LINGO1: variants seen among roughly 807,000 people sequenced by gnomAD.
LINGO1 encodes leucine-rich repeat and immunoglobulin-like domain-containing nogo receptor-interacting protein 1.
A neutral mutation model predicts 37.3 loss-of-function variants in LINGO1; 11 were observed. That is an observed-to-expected ratio of 0.29 (90% CI 0.19 to 0.49). LINGO1 has a LOEUF of 0.49. LINGO1 is among the 20% of genes least tolerant of loss of function. The pLI is 0.99. For missense variants in LINGO1, 585 were observed against 878.2 expected (o/e 0.67, Z 4.22); for synonymous variants, 387 against 403.0 (o/e 0.96, Z 0.48).
intron 1 of LINGO1, among the ~76,000 whole-genome samples, chr15:77,818,542 G>A (rs2077067205): frequency 6.6e-6 from 1 of 151,978 alleles, no homozygotes; most frequent in Non-Finnish European, 1.5e-5. Flanking sequence ...GAGCTCCTGA[G>A]GGTCCAGGTC....
chr15:77,728,431 G>C (rs1350607164), intron 2 of LINGO1, among the ~76,000 whole-genome samples: 1 of 152,232 alleles, frequency 6.6e-6, no homozygotes, highest in Non-Finnish European at 1.5e-5. Flanking sequence ...GGCTGGGAGT[G>C]GGTGCCACAC....
intron 3 of LINGO1, among the ~76,000 whole-genome samples, chr15:77,646,851 C>G (rs556123223): frequency 2.7e-5 from 4 of 147,770 alleles, no homozygotes; most frequent in South Asian, 4.1e-4. Flanking sequence ...TCTATCAACC[C>G]TTTCCCCTGG....
chr15:77,703,145 A>G (rs2075805874), intron 2 of LINGO1, among the ~76,000 whole-genome samples: 2 of 151,936 alleles, frequency 1.3e-5, no homozygotes, highest in African/African-American at 2.4e-5. Context: ...GCAAGGGGCT[A>G]CTCCTTCTTC....
At chr15:77,776,005 C>T (rs573618060) in intron 1 of LINGO1, among the ~76,000 whole-genome samples, 23 of 152,274 alleles carry the variant, frequency 1.5e-4, no homozygotes, top group African/African-American at 3.6e-4. Flanking sequence ...TCAATGTCCT[C>T]GTCACCGCCT....
intron 1 of LINGO1, among the ~76,000 whole-genome samples, chr15:77,783,906 G>A (rs937970208): frequency 7.9e-5 from 12 of 152,230 alleles, no homozygotes; most frequent in Non-Finnish European, 1.6e-4. Context: ...TTGCACCTCA[G>A]TGGTGTTCAT....
chr15:77,727,755 A>T (rs1300538629), intron 2 of LINGO1, among the ~76,000 whole-genome samples: 1 of 151,976 alleles, frequency 6.6e-6, no homozygotes, highest in Non-Finnish European at 1.5e-5. Flanking sequence ...TTAAAAAAAA[A>T]AAGAAAAGGA....
chr15:77,668,552 C>T (rs1220555801), intron 3 of LINGO1, among the ~76,000 whole-genome samples: 2 of 152,288 alleles, frequency 1.3e-5, no homozygotes, highest in Non-Finnish European at 2.9e-5. Flanking sequence ...AGTTGAGAAG[C>T]CCCTTTAGAG....
At chr15:77,634,193 C>G (rs1437101555), upstream of LINGO1, 1 of 453,650 alleles carries the variant, frequency 2.2e-6, no homozygotes, top group Non-Finnish European at 4.4e-6. Flanking sequence ...GCCTGGTTGC[C>G]ACGGAGGGAC....
chr15:77,777,344 C>A lies in LINGO1; in HGVS notation c.-257+9525G>T, dbSNP rs533458750. ...GGCGCACACACTTGCCCCTCCCATA[C>A]ACACACACACACACGCATACACATA... On this transcript the variant is annotated intron_variant, in intron 1 of 3. Transcript: ENST00000561686. 2.8e-4 allele frequency among the ~76,000 whole-genome samples: 41 copies of A among 144,258 alleles called. 1 individual carries two copies. The South Asian group carries it at 8.9e-3, about 31-fold the overall frequency. The allele number at this position is 144,258 out of a possible 152,430, so 94.6% of individuals were successfully genotyped here. A position where few individuals can be genotyped will look rare whatever the true frequency, so the allele number is the denominator to read the frequency against.
intron 3 of LINGO1, chr15:77,651,465 C>G (rs557413359): frequency 6.6e-6 from 1 of 152,300 alleles, no homozygotes; most frequent in South Asian, 2.1e-4. Context: ...CTTCTGGCAA[C>G]CGAAATCTGG....
At chr15:77,650,774 G>A (rs2074742249) in intron 3 of LINGO1, among the ~76,000 whole-genome samples, 1 of 152,154 alleles carries the variant, frequency 6.6e-6, no homozygotes, top group Non-Finnish European at 1.5e-5. Context: ...AAGTCCTGCA[G>A]GGTGGTCACA....
intron 2 of LINGO1, among the ~76,000 whole-genome samples, chr15:77,704,461 C>G (rs1003346168): frequency 6.6e-6 from 1 of 151,046 alleles, no homozygotes; most frequent in Non-Finnish European, 1.5e-5. Flanking sequence ...TGAGTCCCGA[C>G]TCTGGTCAGA....
intron 1 of LINGO1, among the ~76,000 whole-genome samples, chr15:77,746,156 T>A (rs1382845347): frequency 6.7e-6 from 1 of 148,846 alleles, no homozygotes; most frequent in Non-Finnish European, 1.5e-5. Flanking sequence ...TGCAGTGAGT[T>A]GTGTTCATGC....
rs1027795160 is a variant in LINGO1, at chr15:77,752,011, CCA to C, written c.-256-16960_-256-16959del. Among the ~76,000 whole-genome samples, 8 of 152,356 alleles carry C rather than the reference CCA, an allele frequency of 5.3e-5. 1 individual carries two copies. Among genetic ancestry groups the C allele is most frequent in the African/African-American group, 1.9e-4 (8 of 41,580 alleles). The stretch of plus-strand genomic sequence containing the variant: ...TTCTTCAGAGAAGGTGACTCGAAAC[CCA>C]GAGAGTCAGCTGTGTCTTGCCCAAG... On this transcript the variant is annotated intron_variant, in intron 1 of 3. Coordinates refer to the LINGO1 transcript ENST00000561686.
rs1177338840 is a variant in LINGO1, at chr15:77,613,945, G to T, written c.*99C>A. 2.0e-6 allele frequency: 2 copies of T among 978,380 alleles called. No homozygotes were observed. The highest frequency in any genetic ancestry group is 1.6e-5 in the African/African-American group (1 of 60,900). The allele number at this position is 978,380 out of a possible 1,614,324, so 60.6% of individuals were successfully genotyped here. ...AGGGAGAAAGAGAACGTGTGTAGAA[G>T]GGTAGGGAGGAGGTGGGAAGGACTG... On this transcript the variant is annotated 3_prime_UTR_variant, in exon 2 of 2. Coordinates refer to ENST00000355300, the MANE Select transcript of LINGO1 (RefSeq NM_032808.7).
intron 3 of LINGO1, among the ~76,000 whole-genome samples, chr15:77,647,033 C>T (rs879677914): frequency 7.9e-5 from 11 of 139,036 alleles, no homozygotes; most frequent in African/African-American, 1.0e-4. Context: ...GGAACTGGGA[C>T]GGGCCCCCGG....
At chr15:77,811,768 T>C (rs2077007578) in intron 1 of LINGO1, among the ~76,000 whole-genome samples, 1 of 152,238 alleles carries the variant, frequency 6.6e-6, no homozygotes, top group Non-Finnish European at 1.5e-5. Context: ...AGATGGATGC[T>C]GAAATGTTTA....
At chr15:77,739,147 G>A (rs142353589) in intron 1 of LINGO1, among the ~76,000 whole-genome samples, 2 of 152,350 alleles carry the variant, frequency 1.3e-5, no homozygotes, top group African/African-American at 2.4e-5. Flanking sequence ...GAACGCAACC[G>A]GCGGGGGGCC....
chr15:77,629,875 G>A (rs563163939), intron 1 of LINGO1, among the ~76,000 whole-genome samples: 7 of 152,298 alleles, frequency 4.6e-5, no homozygotes, highest in African/African-American at 1.7e-4. Flanking sequence ...TATGCTGTGG[G>A]TGACTGGAGA....
Sources: gnomAD v4.1 joint callset for allele counts (sites outside exome capture counted in the v4.1 genomes callset) on GRCh38, gnomAD v4.1.1 for gene constraint, MANE v1.5 for transcripts, NCBI Gene and HGNC (gene_info 2026-07-23, HGNC 2026-07-21) for gene names.